ZFHX3: variants seen among roughly 807,000 people sequenced by gnomAD.
ZFHX3 encodes zinc finger homeobox protein 3.
Under a neutral mutation model 279.1 loss-of-function variants are expected in ZFHX3, and 42 were observed. That is an observed-to-expected ratio of 0.15 (90% CI 0.12 to 0.19). The LOEUF (loss-of-function observed/expected upper bound fraction) is 0.19, where lower values mean the gene tolerates loss of function less well. Ranked by LOEUF, ZFHX3 falls within the 10% of genes least tolerant of loss-of-function variation. The pLI is 1.00. For missense variants in ZFHX3, 4,981 were observed against 4,754.0 expected (o/e 1.05, Z -1.40); for synonymous variants, 2,293 against 1,957.8 (o/e 1.17, Z -4.52).
intron 1 of ZFHX3, among the ~76,000 whole-genome samples, chr16:73,017,971 T>C (rs1032776425): frequency 4.0e-5 from 6 of 150,934 alleles, no homozygotes; most frequent in South Asian, 4.2e-4. Context: ...GTGGGACCTA[T>C]GTTTTCTCAG....
intron 5 of ZFHX3, among the ~76,000 whole-genome samples, chr16:73,253,512 C>G (rs2013573411): frequency 6.7e-6 from 1 of 149,618 alleles, no homozygotes; most frequent in Admixed American, 6.7e-5. Context: ...AGTGCAGTGG[C>G]ATGATCTCGG....
Position 72,983,903 on chromosome 16 carries a change from T to A in ZFHX3, c.-49-23709A>T, listed in dbSNP as rs184241875. Among the ~76,000 whole-genome samples, 16 of 152,222 alleles carry A rather than the reference T, an allele frequency of 1.1e-4. No individual in the cohort carries two copies. The East Asian group carries it at 3.1e-3, about 29-fold the overall frequency. On this transcript the variant is annotated intron_variant, in intron 1 of 9. Coordinates refer to ENST00000268489, the MANE Select transcript of ZFHX3 (RefSeq NM_006885.4). ...GTAAGCCTGTGGTCTGATACTAAAG[T>A]CATATCTTGCCATTACCCCCCGGCC...
At chr16:73,023,866 A>C (rs1964401331) in intron 1 of ZFHX3, among the ~76,000 whole-genome samples, 1 of 152,144 alleles carries the variant, frequency 6.6e-6, no homozygotes, top group Non-Finnish European at 1.5e-5. Flanking sequence ...AACAAAATGC[A>C]AGGGAGCTCC....
At chr16:73,525,488 G>T (rs1441662591) in intron 2 of ZFHX3, among the ~76,000 whole-genome samples, 1 of 152,140 alleles carries the variant, frequency 6.6e-6, no homozygotes, top group Non-Finnish European at 1.5e-5. Flanking sequence ...CACTTACTTA[G>T]TTTCAAGAAG....
intron 1 of ZFHX3, among the ~76,000 whole-genome samples, chr16:73,886,235 A>G (rs986999608): frequency 1.3e-5 from 2 of 152,172 alleles, no homozygotes; most frequent in African/African-American, 2.4e-5. Flanking sequence ...TAAAGCATTT[A>G]CTATAAATTA....
chr16:73,301,147 T>C (rs2015047476), intron 4 of ZFHX3, among the ~76,000 whole-genome samples: 1 of 152,174 alleles, frequency 6.6e-6, no homozygotes, highest in Non-Finnish European at 1.5e-5. Flanking sequence ...AACTTCAAAA[T>C]AGAAATTCTT....
rs528320158 is a variant in ZFHX3, at chr16:73,360,545, G to T, written c.-1290-42209C>A. On this transcript the variant is annotated intron_variant, in intron 3 of 17. Coordinates refer to the ZFHX3 transcript ENST00000641206. ...GTAGAGACAGGGTTTCGCCATGTTG[G>T]CCAGGCTGATCTTGAACTGCTGGCC... 1.0e-3 allele frequency among the ~76,000 whole-genome samples: 156 copies of T among 152,264 alleles called. 1 individual carries two copies. Among genetic ancestry groups the T allele is most frequent in the Non-Finnish European group, 3.7e-4 (25 of 68,032 alleles).
intron 4 of ZFHX3, among the ~76,000 whole-genome samples, chr16:73,261,479 A>G (rs2013821880): frequency 6.6e-6 from 1 of 152,272 alleles, no homozygotes; most frequent in Admixed American, 6.5e-5. Context: ...TATATGAAGT[A>G]TTAAAAATAA....
intron 8 of ZFHX3, among the ~76,000 whole-genome samples, chr16:73,075,291 G>A (rs1555547121): frequency 6.8e-6 from 1 of 146,130 alleles, no homozygotes; most frequent in Non-Finnish European, 1.5e-5. Flanking sequence ...TACAGCCTGA[G>A]CAACAACAAG....
At chr16:73,672,124 T>C (rs2052909808) in intron 2 of ZFHX3, among the ~76,000 whole-genome samples, 1 of 152,076 alleles carries the variant, frequency 6.6e-6, no homozygotes, top group East Asian at 1.9e-4. Context: ...GTAGTGTATA[T>C]AAGACAGATT....
intron 1 of ZFHX3, among the ~76,000 whole-genome samples, chr16:73,789,837 C>A (rs1335028349): frequency 6.6e-6 from 1 of 152,022 alleles, no homozygotes; most frequent in East Asian, 1.9e-4. Context: ...AAATACATTT[C>A]AAAATAATGG....
chr16:73,725,649 G>A (rs2053512897), intron 1 of ZFHX3, among the ~76,000 whole-genome samples: 1 of 152,074 alleles, frequency 6.6e-6, no homozygotes, highest in Non-Finnish European at 1.5e-5. Flanking sequence ...GTAAAGCATT[G>A]AGGAGCTACC....
chr16:73,814,556 C>T (rs1445762591), intron 1 of ZFHX3, among the ~76,000 whole-genome samples: 1 of 151,356 alleles, frequency 6.6e-6, no homozygotes, highest in Non-Finnish European at 1.5e-5. Flanking sequence ...ATCTTACTTA[C>T]ATAGTTCACA....
At chr16:73,803,821 G>A (rs1960201575) in intron 1 of ZFHX3, among the ~76,000 whole-genome samples, 1 of 152,190 alleles carries the variant, frequency 6.6e-6, no homozygotes, top group African/African-American at 2.4e-5. Flanking sequence ...TTTTCTGCGT[G>A]TGTGTCTGTG....
At chr16:73,220,991 C>T (rs942811592) in intron 5 of ZFHX3, among the ~76,000 whole-genome samples, 15 of 152,092 alleles carry the variant, frequency 9.9e-5, no homozygotes. Flanking sequence ...AGCTGTAGAG[C>T]TGGGGAGAAG....
chr16:73,033,082 T>C (rs889123478), intron 1 of ZFHX3, among the ~76,000 whole-genome samples: 2 of 152,104 alleles, frequency 1.3e-5, no homozygotes, highest in African/African-American at 4.8e-5. Flanking sequence ...TGGGCCCTCC[T>C]TGACCCCACG....
chr16:73,221,188 T>C (rs113275894), intron 5 of ZFHX3, among the ~76,000 whole-genome samples: 1 of 152,178 alleles, frequency 6.6e-6, no homozygotes, highest in South Asian at 2.1e-4. Flanking sequence ...GAGAATGTGC[T>C]TTTCTATATA....
intron 1 of ZFHX3, chr16:73,812,642 T>G (rs1960456549): frequency 6.6e-6 from 1 of 152,276 alleles, no homozygotes; most frequent in African/African-American, 2.4e-5. Context: ...TTTAACCCTG[T>G]AAGAGCTAGC....
chr16:73,444,955 T>C (rs1278045552), intron 3 of ZFHX3, among the ~76,000 whole-genome samples: 5 of 68,456 alleles, frequency 7.3e-5, no homozygotes, highest in African/African-American at 2.8e-4. Flanking sequence ...CCATCTATAC[T>C]AAAAAAAAAA....
Sources: gnomAD v4.1 joint callset for allele counts (sites outside exome capture counted in the v4.1 genomes callset) on GRCh38, gnomAD v4.1.1 for gene constraint, MANE v1.5 for transcripts, NCBI Gene and HGNC (gene_info 2026-07-23, HGNC 2026-07-21) for gene names.